EIPR1: variants seen among roughly 807,000 people sequenced by gnomAD.
EIPR1 encodes the protein EARP complex and GARP complex interacting protein 1.
EIPR1 carries 25 observed loss-of-function variants against 48.1 expected under a neutral mutation model. The observed-to-expected ratio is 0.52, with a 90% CI of 0.38 to 0.73. The LOEUF is 0.73. Among genes scored for constraint, EIPR1 ranks in the 30% least tolerant of loss-of-function variants. The pLI is 0.00. For missense variants in EIPR1, 415 were observed against 506.2 expected, an observed-to-expected ratio of 0.82 and a Z score of 1.73; for synonymous variants, 204 against 201.9, an observed-to-expected ratio of 1.01 and a Z score of -0.09.
Position 3,337,933 on chromosome 2 carries a change from G to T in EIPR1, c.259+84C>A. 8 of 1,435,546 alleles carry T rather than the reference G, an allele frequency of 5.6e-6. No individual in the cohort carries two copies. In the South Asian group the frequency reaches 5.6e-5, roughly 10 times the overall value. The allele number at this position is 1,435,546 out of a possible 1,614,324, so 88.9% of individuals were successfully genotyped here. On this transcript the variant is annotated intron_variant, in intron 3 of 8. Transcript: ENST00000382125. The stretch of plus-strand genomic sequence containing the variant: ...GGCTAAATCTTTTCAGTCATGTGTC[G>T]ACCCATTAGCAATACAAAACCCGTC...
chr2:3,271,994 C>A (rs1410239676), intron 3 of EIPR1, among the ~76,000 whole-genome samples: 1 of 152,246 alleles, frequency 6.6e-6, no homozygotes, highest in African/African-American at 2.4e-5. Flanking sequence ...GAACTTGCTG[C>A]AGCTTCTCCA....
intron 1 of EIPR1, among the ~76,000 whole-genome samples, chr2:3,363,881 C>T (rs759523204): frequency 3.3e-5 from 5 of 149,280 alleles, no homozygotes; most frequent in South Asian, 2.1e-4. Context: ...CAAAAGAAGA[C>T]GCACAAATGG....
chr2:3,254,885 G>A (rs1193775848), intron 4 of EIPR1, among the ~76,000 whole-genome samples: 1 of 152,130 alleles, frequency 6.6e-6, no homozygotes, highest in Non-Finnish European at 1.5e-5. Context: ...AAGTTCAGTG[G>A]GCTGTATCAA....
intron 3 of EIPR1, among the ~76,000 whole-genome samples, chr2:3,313,012 C>T (rs984447024): frequency 2.6e-5 from 4 of 152,224 alleles, no homozygotes; most frequent in African/African-American, 4.8e-5. Flanking sequence ...ATGCACACTT[C>T]GCACCTCAGC....
At chr2:3,375,084 C>T (rs1197680651) in intron 1 of EIPR1, among the ~76,000 whole-genome samples, 1 of 150,976 alleles carries the variant, frequency 6.6e-6, no homozygotes, top group African/African-American at 2.4e-5. Context: ...TTTGTAGGGA[C>T]GTGGATGAAA....
At chr2:3,257,258 TGCAG>T (rs774073963) in intron 4 of EIPR1, 37 bp downstream of exon 4, 7 of 1,584,346 alleles carry the variant, frequency 4.4e-6, no homozygotes, top group Non-Finnish European at 5.2e-6. Flanking sequence ...CTGGCCAACC[TGCAG>T]GCTCGTTCTG....
chr2:3,317,857 C>T (rs1228692115), intron 3 of EIPR1, among the ~76,000 whole-genome samples: 1 of 152,218 alleles, frequency 6.6e-6, no homozygotes, highest in African/African-American at 2.4e-5. Context: ...AGCATAGCCT[C>T]AGGAGGACCA....
chr2:3,209,807 T>C (rs1309520017), intron 5 of EIPR1, among the ~76,000 whole-genome samples: 1 of 152,234 alleles, frequency 6.6e-6, no homozygotes, highest in Non-Finnish European at 1.5e-5. Flanking sequence ...CTCTGTGACA[T>C]CCTGGAAAAA....
At chr2:3,199,129 A>G (rs1286696502) in intron 5 of EIPR1, among the ~76,000 whole-genome samples, 2 of 142,642 alleles carry the variant, frequency 1.4e-5, no homozygotes, top group East Asian at 4.1e-4. Context: ...TTACTGGGGA[A>G]AGAATTCAGC....
In EIPR1 at chr2:3,365,809, T is replaced by TCACA. The variant is rs1670958347; in HGVS notation, c.43-11180_43-11177dup. Among the ~76,000 whole-genome samples the TCACA allele has an allele frequency of 2.0e-5, 3 of 151,412 alleles. No individual in the cohort carries two copies. In the South Asian group the frequency reaches 6.3e-4, roughly 32 times the overall value. ...AGAGAGCACAGGGTTGGGGGTAAGGTCACAGATCAACAGGATAAGAATTTT... is the reference window on the plus strand; with the variant it reads ...AGAGAGCACAGGGTTGGGGGTAAGGTCACACACAGATCAACAGGATAAGAATTTT... On this transcript the variant is annotated intron_variant, in intron 1 of 8. Transcript: ENST00000382125.
chr2:3,353,263 T>C (rs1038171069), intron 2 of EIPR1: 3 of 471,068 alleles, frequency 6.4e-6, no homozygotes, highest in African/African-American at 2.0e-5. Context: ...GAAAAGCATC[T>C]GAAGATAACC....
chr2:3,295,451 CA>C (rs1668534544), intron 3 of EIPR1, among the ~76,000 whole-genome samples: 1 of 138,274 alleles, frequency 7.2e-6, no homozygotes, highest in Non-Finnish European at 1.6e-5. Context: ...ACCCTCCATC[CA>C]GCCCATCCTC....
chr2:3,258,104 G>A (rs1040909433), intron 3 of EIPR1, among the ~76,000 whole-genome samples: 2 of 151,556 alleles, frequency 1.3e-5, no homozygotes, highest in African/African-American at 4.9e-5. Flanking sequence ...ATCCTTACAC[G>A]ATCCTGCTGG....
intron 3 of EIPR1, among the ~76,000 whole-genome samples, chr2:3,310,705 C>A (rs1428598687): frequency 1.4e-5 from 2 of 145,468 alleles, no homozygotes; most frequent in East Asian, 4.0e-4. Context: ...AAAAACTTAT[C>A]TAAACTTTGT....
chr2:3,217,693 G>A (rs927515859), intron 4 of EIPR1, among the ~76,000 whole-genome samples: 1 of 152,122 alleles, frequency 6.6e-6, no homozygotes, highest in Non-Finnish European at 1.5e-5. Context: ...GCAGACACCA[G>A]TACCACGGGT....
At chr2:3,281,713 A>G (rs1439766148) in intron 3 of EIPR1, among the ~76,000 whole-genome samples, 1 of 152,206 alleles carries the variant, frequency 6.6e-6, no homozygotes, top group African/African-American at 2.4e-5. Context: ...AATATGCCAA[A>G]TATTCTTATT....
chr2:3,220,061 GC>G (rs1232497018), intron 4 of EIPR1, among the ~76,000 whole-genome samples: 1 of 152,210 alleles, frequency 6.6e-6, no homozygotes, highest in East Asian at 1.9e-4. Context: ...GATCTAGGCT[GC>G]ACACTCCTTA....
intron 3 of EIPR1, among the ~76,000 whole-genome samples, chr2:3,259,232 G>T (rs1331779384): frequency 6.6e-6 from 1 of 152,150 alleles, no homozygotes; most frequent in Admixed American, 6.6e-5. Flanking sequence ...AGATGACAAA[G>T]GCAGGGAATA....
chr2:3,228,379 G>A (rs574204099), intron 4 of EIPR1, among the ~76,000 whole-genome samples: 2 of 152,352 alleles, frequency 1.3e-5, no homozygotes, highest in East Asian at 3.9e-4. Flanking sequence ...CTCCCATTTG[G>A]AATGGGTGTA....
Sources: allele counts gnomAD v4.1 joint callset (sites outside exome capture counted in the v4.1 genomes callset), GRCh38; gene constraint gnomAD v4.1.1; transcripts MANE v1.5; gene names NCBI Gene and HGNC (gene_info 2026-07-23, HGNC 2026-07-21).